Variants in ERAP1 observed in about 807,000 individuals in gnomAD.
ERAP1 encodes the protein adipocyte-derived leucine aminopeptidase.
ERAP1 carries 86 observed loss-of-function variants against 103.7 expected under a neutral mutation model. The ratio of observed to expected loss-of-function variants is 0.83; its 90% confidence interval spans 0.70 to 0.99. ERAP1 has a LOEUF of 0.99. Among genes scored for constraint, ERAP1 ranks in the 50% least tolerant of loss-of-function variants. ERAP1 has a pLI of 0.00. For synonymous variants in ERAP1, 398 were observed against 402.4 expected, an observed-to-expected ratio of 0.99 and a Z score of 0.13; for missense variants, 1,009 against 1,128.4, an observed-to-expected ratio of 0.89 and a Z score of 1.52.
chr5:96,896,879 G>A, the ERAP1 span: 4 of 1,556,686 alleles, frequency 2.6e-6, no homozygotes, highest in East Asian at 4.6e-5. Context: ...TCATATGTTG[G>A]GTAACGATAG....
At position 96,803,935 on chromosome 5, in the gene ERAP1, T is replaced by C; in HGVS notation, c.-9A>G. The stretch of plus-strand genomic sequence containing the variant: ...AGGGGCAGAAACACCATCTTCTTGC[T>C]CTACCTACCTAGCGGCACAAATGTA... On this transcript the variant is annotated 5_prime_UTR_variant, in exon 2 of 19. Coordinates refer to ENST00000443439, the MANE Select transcript of ERAP1 (RefSeq NM_001040458.3). 3 of 1,604,086 alleles carry C rather than the reference T, an allele frequency of 1.9e-6. No individual in the cohort carries two copies. The highest frequency in any genetic ancestry group is 2.5e-6 in the Non-Finnish European group (3 of 1,179,978).
chr5:96,871,735 A>T, the ERAP1 span, among the ~76,000 whole-genome samples: 1 of 152,160 alleles, frequency 6.6e-6, no homozygotes, highest in Non-Finnish European at 1.5e-5. Context: ...ATTCTGTTCC[A>T]CTTTAACAAC....
upstream of ERAP1, among the ~76,000 whole-genome samples, chr5:96,809,818 T>C (rs1779045908): frequency 6.6e-6 from 1 of 152,230 alleles, no homozygotes; most frequent in South Asian, 2.1e-4. Flanking sequence ...TATGCATTTC[T>C]TTGCTTTTAT....
the ERAP1 span, among the ~76,000 whole-genome samples, chr5:96,904,553 A>T: frequency 6.6e-6 from 1 of 152,208 alleles, no homozygotes; most frequent in Non-Finnish European, 1.5e-5. Context: ...GGCATAGCTC[A>T]TTGGAGGCCA....
At chr5:96,819,447 G>A in the ERAP1 span, among the ~76,000 whole-genome samples, 1 of 152,178 alleles carries the variant, frequency 6.6e-6, no homozygotes, top group Non-Finnish European at 1.5e-5. Flanking sequence ...AAAAATTGCT[G>A]TGAGAGGAGG....
chr5:96,859,166 G>A, the ERAP1 span, among the ~76,000 whole-genome samples: 1 of 151,474 alleles, frequency 6.6e-6, no homozygotes, highest in African/African-American at 2.4e-5. Context: ...CAAGGCCTTC[G>A]TTTGTTAGTT....
At chr5:96,806,657 T>C (rs1345238984) in intron 1 of ERAP1, among the ~76,000 whole-genome samples, 6 of 140,556 alleles carry the variant, frequency 4.3e-5, no homozygotes, top group Non-Finnish European at 9.1e-5. Flanking sequence ...TGAGACGGAG[T>C]CTCGCTCTGT....
chr5:96,780,975 C>T, intron 17 of ERAP1, 83 bp downstream of exon 17: 1 of 1,509,028 alleles, frequency 6.6e-7, no homozygotes, highest in South Asian at 1.1e-5. Context: ...TAGACTGTTA[C>T]TGTTCTTTTA....
chr5:96,805,738 TC>T (rs1396437736), intron 1 of ERAP1: 2 of 152,220 alleles, frequency 1.3e-5, no homozygotes, highest in Non-Finnish European at 2.9e-5. Flanking sequence ...TGTTTTGCTT[TC>T]CATATGGAAT....
chr5:96,859,212 CA>C, the ERAP1 span, among the ~76,000 whole-genome samples: 3 of 152,106 alleles, frequency 2.0e-5, no homozygotes, highest in African/African-American at 7.2e-5. Context: ...CTCTGGGCGA[CA>C]CAGGAGTGTC....
the ERAP1 span, chr5:96,934,307 T>C: frequency 6.6e-6 from 1 of 152,216 alleles, no homozygotes; most frequent in African/African-American, 2.4e-5. Flanking sequence ...TTTAGATGTA[T>C]GGTCAGACAA....
At chr5:96,793,715 G>T in intron 6 of ERAP1, 88 bp downstream of exon 6, 1 of 1,317,444 alleles carries the variant, frequency 7.6e-7, no homozygotes, top group Non-Finnish European at 1.0e-6. Flanking sequence ...AAAAGACAAA[G>T]TAAAAATTAT....
chr5:96,901,917 T>A, the ERAP1 span, among the ~76,000 whole-genome samples: 1 of 152,224 alleles, frequency 6.6e-6, no homozygotes, highest in Non-Finnish European at 1.5e-5. Context: ...TTGGTTTAGT[T>A]ATTTGAATCA....
chr5:96,794,918 A>G (rs568402394), intron 5 of ERAP1, 124 bp downstream of exon 5: 1 of 1,148,948 alleles, frequency 8.7e-7, no homozygotes, highest in East Asian at 2.5e-5. Flanking sequence ...CAGGTTTGTC[A>G]CTTGCTGGGG....
chr5:96,775,582 A>G lies in ERAP1; in HGVS notation c.*814T>C. ...GGGTTCTATAAAAAGATTTTTTGCA[A>G]AAGTGCGAGCACATTATGTAGAAAC... On this transcript the variant is annotated 3_prime_UTR_variant, in exon 19 of 19. Transcript: ENST00000443439. 2 of 863,978 alleles carry G rather than the reference A, an allele frequency of 2.3e-6. No individual in the cohort carries two copies. The highest frequency in any genetic ancestry group is 2.8e-6 in the Non-Finnish European group (2 of 719,322). 53.5% of individuals were successfully genotyped at this position (863,978 alleles called of 1,614,324 possible). A position where few individuals can be genotyped will look rare whatever the true frequency, so the allele number is the denominator to read the frequency against.
chr5:96,870,268 A>C, the ERAP1 span, among the ~76,000 whole-genome samples: 1 of 152,184 alleles, frequency 6.6e-6, no homozygotes, highest in African/African-American at 2.4e-5. Context: ...TGAACATCAG[A>C]CACAACCACT....
At chr5:96,884,106 C>T in the ERAP1 span, among the ~76,000 whole-genome samples, 58 of 151,380 alleles carry the variant, frequency 3.8e-4, no homozygotes, top group Admixed American at 3.2e-3. Context: ...TCATTCTAGA[C>T]GTTAACATCA....
At chr5:96,924,177 G>A in the ERAP1 span, among the ~76,000 whole-genome samples, 4 of 152,212 alleles carry the variant, frequency 2.6e-5, no homozygotes, top group Non-Finnish European at 5.9e-5. Context: ...TATGTATCCT[G>A]TGTGCTTGTC....
At chr5:96,876,970 G>GTATT in the ERAP1 span, among the ~76,000 whole-genome samples, 51 of 151,960 alleles carry the variant, frequency 3.4e-4, no homozygotes, top group South Asian at 2.5e-3. Context: ...TTTAATTTAT[G>GTATT]TATTTATTTA....
Sources: gnomAD v4.1 joint callset for allele counts (sites outside exome capture counted in the v4.1 genomes callset) on GRCh38, gnomAD v4.1.1 for gene constraint, MANE v1.5 for transcripts, NCBI Gene and HGNC (gene_info 2026-07-23, HGNC 2026-07-21) for gene names.